AHCY: variants seen among roughly 807,000 people sequenced by gnomAD.
AHCY encodes the protein adenosylhomocysteinase.
A neutral mutation model predicts 45.4 loss-of-function variants in AHCY; 24 were observed. That is an observed-to-expected ratio of 0.53 (90% CI 0.38 to 0.74). AHCY has a LOEUF of 0.74. AHCY is among the 30% of genes least tolerant of loss of function. The probability of loss-of-function intolerance (pLI) is 0.00; values close to 1 mark genes in which losing one functional copy is unlikely to be tolerated. For synonymous variants in AHCY, 245 were observed against 235.1 expected (o/e 1.04, Z -0.39); for missense variants, 449 against 594.1 (o/e 0.76, Z 2.54).
At chr20:34,307,772 GT>G (rs1319249659), upstream of AHCY, among the ~76,000 whole-genome samples, 1 of 152,210 alleles carries the variant, frequency 6.6e-6, no homozygotes, top group African/African-American at 2.4e-5. Context: ...GTATGGCAAA[GT>G]TTTGTCACCC....
At chr20:34,260,237 T>A in the AHCY span, 1 of 919,568 alleles carries the variant, frequency 1.1e-6, no homozygotes, top group Non-Finnish European at 1.6e-6. Flanking sequence ...TTGCTAATCC[T>A]CCAGCTCCAC....
At chr20:34,288,764 T>A (rs1260352841) in intron 8 of AHCY, among the ~76,000 whole-genome samples, 1 of 152,216 alleles carries the variant, frequency 6.6e-6, no homozygotes, top group Non-Finnish European at 1.5e-5. Flanking sequence ...AAGAGGTTGC[T>A]TAACTTTAAA....
At chr20:34,299,285 G>C (rs1293721456) in intron 1 of AHCY, among the ~76,000 whole-genome samples, 1 of 152,220 alleles carries the variant, frequency 6.6e-6, no homozygotes, top group Non-Finnish European at 1.5e-5. Context: ...TCCGTCCAAA[G>C]ACCAGCCTGA....
chr20:34,291,499 C>G lies in AHCY; in HGVS notation c.478G>C (p.Gly160Arg). Residue 160 changes from glycine (G) to arginine (R), a missense_variant, in exon 5 of 10, where the codon GGG becomes CGG. Transcript: ENST00000217426. ...IRGISEETTT[G>R]VHNLYKMMAN... ...ATCATCTTGTAGAGGTTGTGGACCC[C>G]AGTCGTGGTCTCCTCAGAGATGCCT... is the stretch of plus-strand genomic sequence containing the variant. The G allele has an allele frequency of 6.2e-7, 1 of 1,614,172 alleles. No homozygotes were observed. Among genetic ancestry groups the G allele is most frequent in the Non-Finnish European group, 8.5e-7 (1 of 1,180,018 alleles).
the AHCY span, among the ~76,000 whole-genome samples, chr20:34,259,210 A>G: frequency 3.3e-5 from 5 of 151,366 alleles, no homozygotes; most frequent in Non-Finnish European, 7.4e-5. Flanking sequence ...TCTGTCTCAA[A>G]ACAAACAATG....
At chr20:34,269,996 A>T in the AHCY span, among the ~76,000 whole-genome samples, 1 of 149,744 alleles carries the variant, frequency 6.7e-6, no homozygotes. Context: ...AAAAGAAAGA[A>T]ATCCGAGGCT....
At chr20:34,268,846 T>G in the AHCY span, 1 of 971,092 alleles carries the variant, frequency 1.0e-6, no homozygotes, top group Non-Finnish European at 1.5e-6. Context: ...GGAATCTGAC[T>G]GGGGGAGCGG....
At chr20:34,253,520 C>T in the AHCY span, among the ~76,000 whole-genome samples, 8 of 150,616 alleles carry the variant, frequency 5.3e-5, no homozygotes, top group African/African-American at 9.8e-5. Context: ...TTGCCCAGGC[C>T]GGAGTGCAAT....
chr20:34,261,316 T>C, the AHCY span, among the ~76,000 whole-genome samples: 2 of 151,846 alleles, frequency 1.3e-5, no homozygotes, highest in African/African-American at 4.8e-5. Flanking sequence ...CTGAGCGACA[T>C]AGGGAGACCC....
intron 1 of AHCY, among the ~76,000 whole-genome samples, chr20:34,309,886 G>A (rs2036930979): frequency 6.6e-6 from 1 of 150,912 alleles, no homozygotes; most frequent in Admixed American, 6.6e-5. Context: ...AGGAGGTAGG[G>A]AGGGAAGGAG....
chr20:34,259,065 C>T, the AHCY span, among the ~76,000 whole-genome samples: 1 of 150,554 alleles, frequency 6.6e-6, no homozygotes, highest in Admixed American at 6.7e-5. Context: ...TTTAAATTAG[C>T]CAGGTGTGTT....
chr20:34,275,383 C>A (rs1004149312), downstream of AHCY, among the ~76,000 whole-genome samples: 2 of 151,826 alleles, frequency 1.3e-5, no homozygotes, highest in African/African-American at 4.8e-5. Context: ...CTGCCTGCCT[C>A]GGCCTCCCAA....
chr20:34,292,529 AG>A lies in AHCY; in HGVS notation c.296-23del, dbSNP rs59620110. Reference sequence around the variant, plus strand: ...TACACTGGAGGGTGAGTGGCACATCAGGGCCTGGACTTCCCAACTGGTACCT... The same window carrying A: ...TACACTGGAGGGTGAGTGGCACATCAGGCCTGGACTTCCCAACTGGTACCT... On this transcript the variant is annotated intron_variant, in intron 3 of 9. Transcript: ENST00000217426. 3.3e-5 allele frequency: 53 copies of A among 1,613,574 alleles called. No homozygotes were observed. In the East Asian group the frequency reaches 1.2e-3, roughly 36 times the overall value.
Position 34,295,754 on chromosome 20 carries a change from T to A in AHCY, c.29-169A>T, listed in dbSNP as rs545834837. On this transcript the variant is annotated intron_variant, in intron 1 of 9. Transcript: ENST00000217426. ...ACAAGTATTTATGAAGCCAGAGTAC[T>A]CAAGAAAGACACGGTCCCTGCCTAC... 8.4e-4 allele frequency among the ~76,000 whole-genome samples: 128 copies of A among 152,336 alleles called. 1 individual carries two copies. Among genetic ancestry groups the A allele is most frequent in the Non-Finnish European group, 1.2e-3 (84 of 68,032 alleles).
chr20:34,284,740 T>C (rs1486947670), intron 9 of AHCY, among the ~76,000 whole-genome samples: 5 of 152,146 alleles, frequency 3.3e-5, no homozygotes, highest in African/African-American at 4.8e-5. Context: ...GGAGGATTGC[T>C]TGAACCCGGC....
At chr20:34,249,981 G>A in the AHCY span, 2 of 152,256 alleles carry the variant, frequency 1.3e-5, no homozygotes, top group East Asian at 3.8e-4. Context: ...AGGAAAGCCT[G>A]CCTTCATCTT....
chr20:34,295,682 A>G lies in AHCY; in HGVS notation c.29-97T>C, dbSNP rs986268108. The G allele has an allele frequency of 2.0e-5, 25 of 1,242,496 alleles. No homozygotes were observed. The African/African-American group carries it at 3.4e-4, about 17-fold the overall frequency. The allele number at this position is 1,242,496 out of a possible 1,614,324, so 77.0% of individuals were successfully genotyped here. On this transcript the variant is annotated intron_variant, in intron 1 of 9. Coordinates refer to ENST00000217426, the MANE Select transcript of AHCY (RefSeq NM_000687.4). ...GGACCCCGATCCACGTGTGGACTCA[A>G]CACACTAGGGCTTAGCACTCTGTCA...
At chr20:34,241,344 T>G in the AHCY span, 9 of 568,832 alleles carry the variant, frequency 1.6e-5, no homozygotes, top group Non-Finnish European at 2.0e-5. Context: ...GCCTGTGAGA[T>G]GTGGTGAAGT....
rs760871550 is a variant in AHCY, at chr20:34,295,611, C to A, written c.29-26G>T. The A allele has an allele frequency of 1.9e-6, 3 of 1,610,036 alleles. No homozygotes were observed. The South Asian group carries it at 3.3e-5, about 18-fold the overall frequency. On this transcript the variant is annotated intron_variant, in intron 1 of 9. Transcript: ENST00000217426. ...CTACGGGAGGAAACAGGTGGGAGTT[C>A]CGTGAGTCCCCTCATCCCACCAACC...
Sources: allele counts gnomAD v4.1 joint callset (sites outside exome capture counted in the v4.1 genomes callset), GRCh38; gene constraint gnomAD v4.1.1; transcripts MANE v1.5; gene names NCBI Gene and HGNC (gene_info 2026-07-23, HGNC 2026-07-21).